Variants in ITGB6 observed in about 807,000 individuals in gnomAD.
ITGB6 encodes integrin subunit beta 6.
Under a neutral mutation model 84.5 loss-of-function variants are expected in ITGB6, and 80 were observed. The ratio of observed to expected loss-of-function variants is 0.95; its 90% confidence interval spans 0.79 to 1.14. ITGB6 has a LOEUF of 1.14. ITGB6 is among the 50% of genes most tolerant of loss of function. The pLI, the probability that ITGB6 is intolerant of heterozygous loss-of-function variation, is 0.00. For missense variants in ITGB6, 1,006 were observed against 968.0 expected, an observed-to-expected ratio of 1.04 and a Z score of -0.52; for synonymous variants, 383 against 354.9, an observed-to-expected ratio of 1.08 and a Z score of -0.89.
Position 160,195,355 on chromosome 2 carries a change from A to G in ITGB6, c.593+14T>C. ...AATCAGCGCACAAAGATGCCAAGAG[A>G]ATCATTTACTTACCTGCAAGGGTTG... On this transcript the variant is annotated intron_variant, in intron 4 of 14. Transcript: ENST00000283249. 1 of 1,613,728 alleles carries G rather than the reference A, an allele frequency of 6.2e-7. No individual in the cohort carries two copies. Among genetic ancestry groups the G allele is most frequent in the Non-Finnish European group, 8.5e-7 (1 of 1,179,738 alleles).
At chr2:160,131,577 A>G (rs915648486) in intron 10 of ITGB6, among the ~76,000 whole-genome samples, 1 of 152,192 alleles carries the variant, frequency 6.6e-6, no homozygotes, top group African/African-American at 2.4e-5. Context: ...TAGGTACTCC[A>G]TGACCATTTG....
At chr2:160,103,409 C>T (rs1449979013) in intron 14 of ITGB6, among the ~76,000 whole-genome samples, 1 of 152,134 alleles carries the variant, frequency 6.6e-6, no homozygotes, top group Non-Finnish European at 1.5e-5. Flanking sequence ...AAGAGATATG[C>T]TATTTCTATA....
intron 7 of ITGB6, among the ~76,000 whole-genome samples, chr2:160,156,424 T>C (rs1299545237): frequency 6.6e-6 from 1 of 152,178 alleles, no homozygotes; most frequent in Non-Finnish European, 1.5e-5. Flanking sequence ...AAGCACCTCC[T>C]GCATCCTCTG....
chr2:160,120,933 A>T (rs1010609405), intron 12 of ITGB6, among the ~76,000 whole-genome samples: 1 of 136,816 alleles, frequency 7.3e-6, no homozygotes, highest in African/African-American at 2.7e-5. Context: ...GGGGGGAGGG[A>T]TAGCATTAGG....
At chr2:160,199,560 A>G (rs1198196804) in intron 1 of ITGB6, among the ~76,000 whole-genome samples, 2 of 152,208 alleles carry the variant, frequency 1.3e-5, no homozygotes, top group Non-Finnish European at 2.9e-5. Flanking sequence ...TTCTTAGCCA[A>G]TGTGTGCCAC....
chr2:160,102,820 C>T (rs1005225788), intron 14 of ITGB6, among the ~76,000 whole-genome samples: 2 of 152,166 alleles, frequency 1.3e-5, no homozygotes, highest in East Asian at 1.9e-4. Flanking sequence ...AACCCAGCTC[C>T]ACCACATGAC....
chr2:160,198,603 C>T (rs998820519), intron 2 of ITGB6, among the ~76,000 whole-genome samples: 12 of 152,160 alleles, frequency 7.9e-5, no homozygotes, highest in Non-Finnish European at 1.6e-4. Flanking sequence ...ATGTAGTTTT[C>T]GGTTTGACCA....
chr2:160,129,429 T>C (rs2105805680), intron 10 of ITGB6, among the ~76,000 whole-genome samples: 1 of 150,394 alleles, frequency 6.6e-6, no homozygotes, highest in East Asian at 1.9e-4. Flanking sequence ...CATTAGGCAT[T>C]TTGCCTCCCA....
intron 10 of ITGB6, among the ~76,000 whole-genome samples, chr2:160,134,087 A>C (rs1337809176): frequency 6.6e-6 from 1 of 152,194 alleles, no homozygotes; most frequent in African/African-American, 2.4e-5. Flanking sequence ...AGACACATAA[A>C]ACCCTTCAAA....
chr2:160,171,887 A>G (rs1428713636), intron 6 of ITGB6, among the ~76,000 whole-genome samples: 2 of 152,190 alleles, frequency 1.3e-5, no homozygotes, highest in Non-Finnish European at 1.5e-5. Flanking sequence ...CTTTTCAAGG[A>G]TAATGAAGAG....
Position 160,173,964 on chromosome 2 carries a change from T to A in ITGB6, c.759+10A>T. The A allele has an allele frequency of 6.2e-7, 1 of 1,608,830 alleles. No homozygotes were observed. Reference sequence around the variant, plus strand: ...GTTAACAGAGTGAAACAGCACTCCCTTCAGCATACCTTACACACAGCAGCT... The same window carrying A: ...GTTAACAGAGTGAAACAGCACTCCCATCAGCATACCTTACACACAGCAGCT... On this transcript the variant is annotated intron_variant, in intron 5 of 14. Transcript: ENST00000283249.
In ITGB6 at chr2:160,099,841, G is replaced by C. The variant is rs1033599993; in HGVS notation, c.*1895C>G. On this transcript the variant is annotated 3_prime_UTR_variant, in exon 15 of 15. Transcript: ENST00000283249. ...GGGGTCAAAACAGTATTCAGAGAAAGAGCAGATTCTTCTCTACCTTCCCTA... is the reference window on the plus strand; with the variant it reads ...GGGGTCAAAACAGTATTCAGAGAAACAGCAGATTCTTCTCTACCTTCCCTA... The C allele has an allele frequency of 6.6e-6, 1 of 152,104 alleles. No individual in the cohort carries two copies. The highest frequency in any genetic ancestry group is 1.5e-5 in the Non-Finnish European group (1 of 68,018). 9.4% of individuals were successfully genotyped at this position (152,104 alleles called of 1,614,324 possible).
At chr2:160,142,907 G>C (rs1269223633) in intron 7 of ITGB6, among the ~76,000 whole-genome samples, 1 of 152,190 alleles carries the variant, frequency 6.6e-6, no homozygotes, top group East Asian at 1.9e-4. Flanking sequence ...TACAAGGTGT[G>C]TGATAGACAT....
intron 7 of ITGB6, among the ~76,000 whole-genome samples, chr2:160,146,586 A>G (rs925139131): frequency 6.6e-6 from 1 of 151,958 alleles, no homozygotes; most frequent in African/African-American, 2.4e-5. Context: ...TCTGCTCACA[A>G]ATTTCTCTTC....
At chr2:160,123,721 C>T in intron 12 of ITGB6, 70 bp downstream of exon 12, 1 of 1,165,938 alleles carries the variant, frequency 8.6e-7, no homozygotes, top group Admixed American at 1.8e-5. Context: ...CCTCGATTCA[C>T]AGAGGGTCAA....
intron 7 of ITGB6, among the ~76,000 whole-genome samples, chr2:160,147,711 GC>G (rs1684253285): frequency 6.6e-6 from 1 of 152,098 alleles, no homozygotes. Flanking sequence ...AGGAGCAAAG[GC>G]AACACAATGG....
At chr2:160,115,176 C>G (rs1033248609) in intron 12 of ITGB6, among the ~76,000 whole-genome samples, 5 of 152,240 alleles carry the variant, frequency 3.3e-5, no homozygotes, top group Non-Finnish European at 7.3e-5. Context: ...AGCTGGAGAT[C>G]TGAGAATGGG....
At chr2:160,199,971 G>A (rs377475291) in intron 1 of ITGB6, 32 bp downstream of exon 1, 24 of 1,551,512 alleles carry the variant, frequency 1.5e-5, no homozygotes, top group Admixed American at 5.1e-5. Flanking sequence ...AGCATACCAC[G>A]AAAGTAATAT....
At chr2:160,159,449 G>A (rs11898228) in intron 7 of ITGB6, among the ~76,000 whole-genome samples, 3,864 of 152,194 alleles carry the variant, frequency 0.025, 152 homozygotes, top group African/African-American at 0.088. Flanking sequence ...TTTATCCAGG[G>A]TTTTCAGCCT....
Sources: allele counts gnomAD v4.1 joint callset (sites outside exome capture counted in the v4.1 genomes callset), GRCh38; gene constraint gnomAD v4.1.1; transcripts MANE v1.5; gene names NCBI Gene and HGNC (gene_info 2026-07-23, HGNC 2026-07-21).